The following GLIPR1 variants were observed in gnomAD, a reference collection of about 807,000 sequenced individuals.
GLIPR1 encodes GLI pathogenesis related 1.
GLIPR1 carries 38 observed loss-of-function variants against 30.3 expected under a neutral mutation model. The ratio of observed to expected loss-of-function variants is 1.26; its 90% CI spans 0.97 to 1.65. The LOEUF is 1.65. GLIPR1 is among the 40% of genes most tolerant of loss of function. GLIPR1 has a pLI of 0.00. For missense variants in GLIPR1, 285 were observed against 326.5 expected (o/e 0.87, Z 0.98); for synonymous variants, 122 against 110.6 (o/e 1.10, Z -0.65).
intron 4 of GLIPR1, chr12:75,498,012 A>G (rs2046362193): frequency 1.3e-5 from 2 of 152,242 alleles, no homozygotes; most frequent in African/African-American, 4.8e-5. Flanking sequence ...TATGAAGACC[A>G]GGGATGCTCA....
rs577714686 is a variant in GLIPR1, at chr12:75,503,324, A to T, written c.*4346A>T. The stretch of plus-strand genomic sequence containing the variant: ...CAAAGATAAAACTTTCTCTAACTTA[A>T]TTTGGTAGCCACGTTGCAAGGAAGA... On this transcript the variant is annotated 3_prime_UTR_variant, in exon 6 of 6. Transcript: ENST00000266659. 1 of 152,330 alleles carries T rather than the reference A, an allele frequency of 6.6e-6. No homozygotes were observed. The highest frequency in any genetic ancestry group is 1.5e-5 in the Non-Finnish European group (1 of 67,974). The allele number at this position is 152,330 out of a possible 1,614,324, so 9.4% of individuals were successfully genotyped here. A position where few individuals can be genotyped will look rare whatever the true frequency, so the allele number is the denominator to read the frequency against.
intron 4 of GLIPR1, chr12:75,496,676 A>G (rs1344437572): frequency 6.6e-6 from 1 of 152,170 alleles, no homozygotes; most frequent in Admixed American, 6.5e-5. Flanking sequence ...CAGCCGGGCT[A>G]GAGTAGGGTG....
In GLIPR1 at chr12:75,490,558, C is replaced by A. The variant is rs562992465; in HGVS notation, c.533+40C>A. 3.6e-5 allele frequency: 6 copies of A among 166,528 alleles called. 1 individual carries two copies. Among genetic ancestry groups the A allele is most frequent in the Admixed American group, 1.3e-4 (1 of 7,618 alleles). 10.3% of individuals were successfully genotyped at this position (166,528 alleles called of 1,614,324 possible). On this transcript the variant is annotated intron_variant, in intron 3 of 5. Coordinates refer to ENST00000266659, the MANE Select transcript of GLIPR1 (RefSeq NM_006851.3). ...CAACCGGTTTATAGGAAACGCCCCCCCCCCCCCGCAAAAAAAAACAACAAC... is the reference window on the plus strand; with the variant it reads ...CAACCGGTTTATAGGAAACGCCCCCACCCCCCCGCAAAAAAAAACAACAAC...
intron 2 of GLIPR1, among the ~76,000 whole-genome samples, chr12:75,485,533 T>TTTTATTTTATTTA (rs1555239143): frequency 9.1e-6 from 1 of 110,428 alleles, no homozygotes; most frequent in Non-Finnish European, 2.1e-5. Context: ...GACAGCTTTA[T>TTTTATTTTATTTA]TTTATTTATT....
intron 2 of GLIPR1, chr12:75,483,905 A>G (rs879771096): frequency 1.3e-5 from 2 of 152,246 alleles, no homozygotes; most frequent in African/African-American, 4.8e-5. Context: ...AAAATTGACA[A>G]CAGACTCCTA....
chr12:75,498,249 G>A (rs188040255), intron 4 of GLIPR1: 1 of 152,816 alleles, frequency 6.5e-6, no homozygotes, highest in Non-Finnish European at 1.5e-5. Context: ...ACATCGTAAT[G>A]ATGATTTAGT....
In GLIPR1 at chr12:75,502,064, A is replaced by G; in HGVS notation, c.*3086A>G. On this transcript the variant is annotated 3_prime_UTR_variant, in exon 6 of 6. Coordinates refer to ENST00000266659, the MANE Select transcript of GLIPR1 (RefSeq NM_006851.3). ...GTAGAGGAGAAGTCATGTCCTAAGC[A>G]AGTCACAATATCCTTAGGGTAAAAA... The G allele has an allele frequency of 7.8e-7, 1 of 1,274,804 alleles. No homozygotes were observed. The allele number at this position is 1,274,804 out of a possible 1,614,324, so 79.0% of individuals were successfully genotyped here.
At position 75,499,959 on chromosome 12, in the gene GLIPR1, A is replaced by C; in HGVS notation, c.*981A>C. On this transcript the variant is annotated 3_prime_UTR_variant, in exon 6 of 6. Transcript: ENST00000266659. ...TTTTAGTTTCAGTAGAAGCTAGACA[A>C]ATTAAAAGCACAACACATGTAATAC... 6.3e-7 allele frequency: 1 copy of C among 1,590,600 alleles called. No individual in the cohort carries two copies. The highest frequency in any genetic ancestry group is 8.5e-7 in the Non-Finnish European group (1 of 1,171,316).
intron 4 of GLIPR1, chr12:75,496,951 A>G (rs2120566138): frequency 6.6e-6 from 1 of 152,358 alleles, no homozygotes; most frequent in African/African-American, 2.4e-5. Flanking sequence ...CTTGTGAAGA[A>G]AAGTAACATG....
chr12:75,482,022 C>T lies in GLIPR1; in HGVS notation c.363C>T (p.Ile121=). Reference sequence around the variant, plus strand: ...CCATCACAAACTGGTATGACGAAATCCAGGACTATGACTTCAAGACTCGGA... The same window carrying T: ...CCATCACAAACTGGTATGACGAAATTCAGGACTATGACTTCAAGACTCGGA... ...SSAITNWYDE[I]QDYDFKTRIC... is the part of the protein sequence containing the mutation. The change falls in exon 2 of 6, where the codon ATC becomes ATT. Residue 121 remains isoleucine, a synonymous_variant. Transcript: ENST00000266659. The T allele has an allele frequency of 1.2e-6, 2 of 1,613,918 alleles. No individual in the cohort carries two copies. Among genetic ancestry groups the T allele is most frequent in the Non-Finnish European group, 1.7e-6 (2 of 1,179,828 alleles).
intron 1 of GLIPR1, chr12:75,481,460 T>A (rs528621867): frequency 8.0e-5 from 19 of 236,512 alleles, no homozygotes; most frequent in Non-Finnish European, 1.5e-4. Flanking sequence ...AGGATGGGAT[T>A]TTGATTCAGT....
At chr12:75,490,765 TA>T in intron 3 of GLIPR1, 1 of 315,774 alleles carries the variant, frequency 3.2e-6, no homozygotes, top group Non-Finnish European at 5.9e-6. Flanking sequence ...ATATACTACC[TA>T]AATACATACG....
Position 75,503,182 on chromosome 12 carries a change from G to C in GLIPR1, c.*4204G>C, listed in dbSNP as rs569486725. On this transcript the variant is annotated 3_prime_UTR_variant, in exon 6 of 6. Coordinates refer to ENST00000266659, the MANE Select transcript of GLIPR1 (RefSeq NM_006851.3). ...CCCATACGTGAGAGAAGAGGAAACA[G>C]AAAGGGGTTCTTATCTGGTGGTCTC... 1 of 152,136 alleles carries C rather than the reference G, an allele frequency of 6.6e-6. No homozygotes were observed. Among genetic ancestry groups the C allele is most frequent in the African/African-American group, 2.4e-5 (1 of 41,426 alleles). 9.4% of individuals were successfully genotyped at this position (152,136 alleles called of 1,614,324 possible).
chr12:75,496,743 G>C (rs1313677848), intron 4 of GLIPR1: 1 of 152,072 alleles, frequency 6.6e-6, no homozygotes, highest in Non-Finnish European at 1.5e-5. Context: ...ATTTAGTTTG[G>C]AAAAAAGTGT....
intron 3 of GLIPR1, chr12:75,495,256 T>C (rs2046343546): frequency 5.2e-6 from 1 of 192,412 alleles, no homozygotes; most frequent in African/African-American, 2.3e-5. Flanking sequence ...TTCCTCTGAC[T>C]CTGAAGTGTA....
intron 2 of GLIPR1, chr12:75,483,440 G>A (rs2046280497): frequency 6.6e-6 from 1 of 152,194 alleles, no homozygotes; most frequent in African/African-American, 2.4e-5. Context: ...GGAAAACAGA[G>A]CCTGAGACAA....
At chr12:75,496,753 T>C (rs1207888085) in intron 4 of GLIPR1, 1 of 152,190 alleles carries the variant, frequency 6.6e-6, no homozygotes, top group East Asian at 1.9e-4. Context: ...GAAAAAAGTG[T>C]TCCATTGCTC....
chr12:75,500,982 A>G lies in GLIPR1; in HGVS notation c.*2004A>G, dbSNP rs1331534908. On this transcript the variant is annotated 3_prime_UTR_variant, in exon 6 of 6. Transcript: ENST00000266659. ...TGTAGTATTTTTAAAGCTATTAACA[A>G]GCAATATATTAAAATAATAATGTAT... 1 of 152,080 alleles carries G rather than the reference A, an allele frequency of 6.6e-6. No homozygotes were observed. The highest frequency in any genetic ancestry group is 1.5e-5 in the Non-Finnish European group (1 of 67,974). 9.4% of individuals were successfully genotyped at this position (152,080 alleles called of 1,614,324 possible).
chr12:75,482,464 ACT>A (rs1229292333), intron 2 of GLIPR1, among the ~76,000 whole-genome samples: 5 of 152,114 alleles, frequency 3.3e-5, no homozygotes, highest in Non-Finnish European at 7.3e-5. Flanking sequence ...AAGAAACAAG[ACT>A]CTCAGACAGA....
Sources: allele counts gnomAD v4.1 joint callset (sites outside exome capture counted in the v4.1 genomes callset), GRCh38; gene constraint gnomAD v4.1.1; transcripts MANE v1.5; gene names NCBI Gene and HGNC (gene_info 2026-07-23, HGNC 2026-07-21).